Variants in FBXO41 observed in about 807,000 individuals in gnomAD.
FBXO41 encodes F-box protein 41.
Under a neutral mutation model 81.6 loss-of-function variants are expected in FBXO41, and 33 were observed. The ratio of observed to expected loss-of-function variants is 0.40; its 90% confidence interval spans 0.31 to 0.54. The LOEUF (loss-of-function observed/expected upper bound fraction) is 0.54. Ranked by LOEUF, FBXO41 falls within the 20% of genes least tolerant of loss-of-function variation. The probability of loss-of-function intolerance (pLI) is 0.39; values close to 1 mark genes in which losing one functional copy is unlikely to be tolerated. For synonymous variants in FBXO41, 576 were observed against 552.7 expected (o/e 1.04, Z -0.59); for missense variants, 1,107 against 1,236.0 (o/e 0.90, Z 1.56).
In FBXO41 at chr2:73,260,361, C is replaced by CCCT. The variant is rs940551043; in HGVS notation, c.2449+25_2449+27dup. The CCCT allele has an allele frequency of 2.6e-5, 41 of 1,606,778 alleles. No individual in the cohort carries two copies. The highest frequency in any genetic ancestry group is 3.1e-5 in the Non-Finnish European group (37 of 1,175,816). On this transcript the variant is annotated intron_variant, in intron 11 of 12. Transcript: ENST00000520530. This position sits in a 1 kb window ranked among gnomAD's most constrained non-coding sequence, Gnocchi z 5.0. Reference sequence around the variant, plus strand: ...GGCCCCGTGGCAGGTGATAGTCGTACCCTGCCCCTCATTCCCCCAGTGCTC... The same window carrying CCCT: ...GGCCCCGTGGCAGGTGATAGTCGTACCCTCCTGCCCCTCATTCCCCCAGTGCTC...
Position 73,265,738 on chromosome 2 carries a change from C to T in FBXO41, c.1206-98G>A, listed in dbSNP as rs72905385. 1,632 of 1,433,782 alleles carry T rather than the reference C, an allele frequency of 1.1e-3. 15 individuals are homozygous for T. In the African/African-American group the frequency reaches 0.02, roughly 18 times the overall value. 88.8% of individuals were successfully genotyped at this position (1,433,782 alleles called of 1,614,324 possible). ...CCATCAGCTGAGGGCAACCCACCCG[C>T]CCTGCTTTCCAAAAGCCCCCTCTGG... On this transcript the variant is annotated intron_variant, in intron 4 of 12. Coordinates refer to ENST00000520530, the MANE Select transcript of FBXO41 (RefSeq NM_001371389.2).
In FBXO41 at chr2:73,258,859, C is replaced by G. The variant is rs765105355; in HGVS notation, c.*123G>C. ...AGGAGGACAGGAGACTTGACAGTCC[C>G]CCTCCAGAAGCCAGGGATAACACTC... is the stretch of plus-strand genomic sequence containing the variant. On this transcript the variant is annotated 3_prime_UTR_variant, in exon 13 of 13. Coordinates refer to ENST00000520530, the MANE Select transcript of FBXO41 (RefSeq NM_001371389.2). 1.8e-6 allele frequency: 2 copies of G among 1,083,320 alleles called. No individual in the cohort carries two copies. Among genetic ancestry groups the G allele is most frequent in the Non-Finnish European group, 2.6e-6 (2 of 773,018 alleles). 67.1% of individuals were successfully genotyped at this position (1,083,320 alleles called of 1,614,324 possible). A position where few individuals can be genotyped will look rare whatever the true frequency, so the allele number is the denominator to read the frequency against.
In FBXO41 at chr2:73,265,545, T is replaced by A; in HGVS notation, c.1301A>T (p.Asp434Val). 1 of 1,588,414 alleles carries A rather than the reference T, an allele frequency of 6.3e-7. No individual in the cohort carries two copies. The highest frequency in any genetic ancestry group is 8.6e-7 in the Non-Finnish European group (1 of 1,168,606). ...TGTGCCCAAGCCCCCAGGGCCACTG[T>A]CCTCAGGGGCCCCCTCCTCTGGCCT... is the stretch of plus-strand genomic sequence containing the variant. ...LPRPEEGAPE[D>V]SGPGGLGTRA... Residue 434 changes from aspartate (D) to valine (V), a missense_variant, in exon 5 of 13, where the codon GAC (aspartate) becomes GTC (valine). Physicochemically the swap from Asp to Val is radical, Grantham distance 152 (BLOSUM62 -3). Around this residue, in one of 2 missense-constraint regions of FBXO41, gnomAD observed 771 missense variants for 789.2 expected, o/e 0.98. Transcript: ENST00000520530.
At chr2:73,283,616 C>T (rs1252344343) in intron 1 of FBXO41, among the ~76,000 whole-genome samples, 2 of 152,324 alleles carry the variant, frequency 1.3e-5, no homozygotes, top group Admixed American at 1.3e-4. Context: ...GGGGCGCACA[C>T]ATTCAGAGAC....
rs777438782 is a variant in FBXO41, at chr2:73,265,525, C to T, written c.1321G>A (p.Gly441Ser). The change falls in exon 5 of 13, where the codon GGC becomes AGC. Residue 441 changes from glycine (G) to serine (S), a missense_variant. Coordinates refer to ENST00000520530, the MANE Select transcript of FBXO41 (RefSeq NM_001371389.2). Reference sequence around the variant, plus strand: ...CCGTTGGCAGCCTGGGCCCGTGTGCCCAAGCCCCCAGGGCCACTGTCCTCA... The same window carrying T: ...CCGTTGGCAGCCTGGGCCCGTGTGCTCAAGCCCCCAGGGCCACTGTCCTCA... ...APEDSGPGGL[G>S]TRAQAANGGS... 1.9e-6 allele frequency: 3 copies of T among 1,595,938 alleles called. No individual in the cohort carries two copies. Among genetic ancestry groups the T allele is most frequent in the East Asian group, 4.5e-5 (2 of 44,384 alleles).
At chr2:73,263,544 C>G in intron 8 of FBXO41, 134 bp downstream of exon 8, 1 of 1,188,464 alleles carries the variant, frequency 8.4e-7, no homozygotes, top group Non-Finnish European at 1.2e-6. Context: ...CTTGCCAAGG[C>G]TTCCTTTCCT....
intron 1 of FBXO41, chr2:73,271,037 T>C (rs766239673): frequency 4.6e-6 from 2 of 432,860 alleles, no homozygotes; most frequent in Non-Finnish European, 9.4e-6. Context: ...TCTTGCTGCC[T>C]TCCTAAACGT....
At chr2:73,261,760 C>T (rs1294885890) in intron 9 of FBXO41, among the ~76,000 whole-genome samples, 2 of 152,218 alleles carry the variant, frequency 1.3e-5, no homozygotes, top group African/African-American at 2.4e-5. Context: ...TTTCCATTCA[C>T]ACCAAATGCC....
In FBXO41 at chr2:73,265,531, C is replaced by G; in HGVS notation, c.1315G>C (p.Gly439Arg). 6.3e-7 allele frequency: 1 copy of G among 1,596,130 alleles called. No individual in the cohort carries two copies. The highest frequency in any genetic ancestry group is 8.5e-7 in the Non-Finnish European group (1 of 1,172,756). The change falls in exon 5 of 13, where the codon GGC becomes CGC. Residue 439 changes from glycine to arginine, a missense_variant. Coordinates refer to ENST00000520530, the MANE Select transcript of FBXO41 (RefSeq NM_001371389.2). ...GCAGCCTGGGCCCGTGTGCCCAAGC[C>G]CCCAGGGCCACTGTCCTCAGGGGCC... is the stretch of plus-strand genomic sequence containing the variant. Reference protein sequence around the residue: ...EGAPEDSGPGGLGTRAQAANG... With the variant: ...EGAPEDSGPGRLGTRAQAANG...
intron 9 of FBXO41, 84 bp downstream of exon 9, chr2:73,263,129 T>C (rs1688078310): frequency 1.9e-6 from 2 of 1,043,324 alleles, no homozygotes; most frequent in Admixed American, 4.7e-5. Context: ...GCTTGTGGAA[T>C]GGGCTCAGAT....
At position 73,258,974 on chromosome 2, in the gene FBXO41, T is replaced by G. The variant is rs138268745; in HGVS notation, c.*8A>C. On this transcript the variant is annotated 3_prime_UTR_variant, in exon 13 of 13. Transcript: ENST00000520530. ...GGCTGGCAGGGGCCCTGCCGCCCCC[T>G]ACCCGGGTTAGCAGCCGCCTTCCAC... is the stretch of plus-strand genomic sequence containing the variant. 3 of 1,568,280 alleles carry G rather than the reference T, an allele frequency of 1.9e-6. No individual in the cohort carries two copies. In the Admixed American group the frequency reaches 5.6e-5, roughly 29 times the overall value.
Position 73,260,479 on chromosome 2 carries a change from C to T in FBXO41, c.2359G>A (p.Ala787Thr). Residue 787 changes from alanine (A) to threonine (T), a missense_variant, in exon 11 of 13, where the codon GCA becomes ACA. Coordinates refer to ENST00000520530, the MANE Select transcript of FBXO41 (RefSeq NM_001371389.2). This position sits in a 1 kb window ranked among gnomAD's most constrained non-coding sequence, Gnocchi z 5.0. The stretch of plus-strand genomic sequence containing the variant: ...TTCAGGCCTTCCCGGCAGACCTCTG[C>T]TGCCACCTCCTGGGTGATCTCTGAC... ...HVSEITQEVA[A>T]EVCREGLKGL... The T allele has an allele frequency of 3.7e-6, 6 of 1,604,288 alleles. No individual in the cohort carries two copies. Among genetic ancestry groups the T allele is most frequent in the Non-Finnish European group, 5.1e-6 (6 of 1,175,622 alleles).
At chr2:73,268,302 AAGG>A (rs955470349) in intron 2 of FBXO41, among the ~76,000 whole-genome samples, 1 of 152,184 alleles carries the variant, frequency 6.6e-6, no homozygotes, top group African/African-American at 2.4e-5. Context: ...GAGGAGAGAA[AAGG>A]GGCAGTAGCT....
Position 73,260,297 on chromosome 2 carries a change from T to C in FBXO41, c.2449+92A>G. On this transcript the variant is annotated intron_variant, in intron 11 of 12. Transcript: ENST00000520530. This position sits in a 1 kb window ranked among gnomAD's most constrained non-coding sequence, Gnocchi z 5.0. ...CTCTGCCCTTGGCTGGAGACTCTGA[T>C]CCATCTGCCCCAGTGATAGTTAGGA... The C allele has an allele frequency of 1.4e-6, 2 of 1,479,956 alleles. No homozygotes were observed. The highest frequency in any genetic ancestry group is 1.3e-5 in the South Asian group (1 of 75,938). 91.7% of individuals were successfully genotyped at this position (1,479,956 alleles called of 1,614,324 possible).
intron 5 of FBXO41, among the ~76,000 whole-genome samples, 188 bp downstream of exon 5, chr2:73,265,094 T>C (rs7587036): frequency 0.22 from 32,916 of 152,116 alleles, 3,586 homozygotes; most frequent in Middle Eastern, 0.28. Flanking sequence ...GGCATCCTTG[T>C]GCAACAGACA....
intron 2 of FBXO41, among the ~76,000 whole-genome samples, chr2:73,268,102 G>A (rs1392719096): frequency 1.3e-5 from 2 of 152,196 alleles, no homozygotes; most frequent in African/African-American, 4.8e-5. Flanking sequence ...AGGCATGTCA[G>A]GGATCAGCTA....
chr2:73,260,435 C>T lies in FBXO41; in HGVS notation c.2403G>A (p.Val801=), dbSNP rs1477871635. ...REGLKGLEML[V]LTATPVTPKA... ...TAGGGGTGACGGGAGTCGCCGTGAG[C>T]ACCAGCATCTCCAGTCCCTTCAGGC... The change falls in exon 11 of 13, where the codon GTG becomes GTA. Residue 801 remains valine (V), a synonymous_variant. Coordinates refer to ENST00000520530, the MANE Select transcript of FBXO41 (RefSeq NM_001371389.2). The surrounding 1 kb of genome is among the most constrained non-coding windows in gnomAD (Gnocchi z 5.0). 6.2e-7 allele frequency: 1 copy of T among 1,610,598 alleles called. No homozygotes were observed. The highest frequency in any genetic ancestry group is 8.5e-7 in the Non-Finnish European group (1 of 1,178,610).
chr2:73,272,541 C>T (rs11126394), intron 1 of FBXO41, among the ~76,000 whole-genome samples: 13,678 of 152,270 alleles, frequency 0.09, 1,661 homozygotes, highest in African/African-American at 0.27. Flanking sequence ...CCCAGCTGGA[C>T]AGAAGCTTCC....
chr2:73,282,278 G>A (rs1688869222), intron 1 of FBXO41, among the ~76,000 whole-genome samples: 1 of 152,196 alleles, frequency 6.6e-6, no homozygotes, highest in African/African-American at 2.4e-5. Context: ...ACAGGCGTGA[G>A]CCACCGTGCC....
Sources: allele counts gnomAD v4.1 joint callset (sites outside exome capture counted in the v4.1 genomes callset), GRCh38; gene constraint gnomAD v4.1.1; regional missense constraint gnomAD v4.1.1; non-coding constraint Gnocchi (gnomAD v3.1); transcripts MANE v1.5; gene names NCBI Gene and HGNC (gene_info 2026-07-23, HGNC 2026-07-21).